Variants in PCDHGB2 observed in about 807,000 individuals in gnomAD.
PCDHGB2 encodes the protein protocadherin gamma subfamily B, 2.
Under a neutral mutation model 59.3 loss-of-function variants are expected in PCDHGB2, and 55 were observed. The ratio of observed to expected loss-of-function variants is 0.93; its 90% confidence interval spans 0.75 to 1.16. The LOEUF (loss-of-function observed/expected upper bound fraction) is 1.16, where lower values mean the gene tolerates loss of function less well. PCDHGB2 is among the 50% of genes most tolerant of loss of function. PCDHGB2 has a pLI of 0.00. For missense variants in PCDHGB2, 1,228 were observed against 1,198.5 expected (o/e 1.02, Z -0.36); for synonymous variants, 516 against 512.0 (o/e 1.01, Z -0.11).
chr5:141,383,951 C>CT (rs1779634638), intron 1 of PCDHGB2: 1 of 1,613,676 alleles, frequency 6.2e-7, no homozygotes, highest in African/African-American at 1.3e-5. Context: ...ACTATGACGT[C>CT]TTTAAGTAGC....
At chr5:141,423,674 C>T (rs57195665) in intron 1 of PCDHGB2, 3 of 1,514,742 alleles carry the variant, frequency 2.0e-6, no homozygotes, top group African/African-American at 1.5e-5. Context: ...AGATTTATTT[C>T]TCTGCCTCCT....
chr5:141,376,207 C>T lies in PCDHGB2; in HGVS notation c.2421+13651C>T. On this transcript the variant is annotated intron_variant, in intron 1 of 3. Coordinates refer to ENST00000522605, the MANE Select transcript of PCDHGB2 (RefSeq NM_018923.3). ...TCTCCTGCGTCTTCCTGGCCTTCGT[C>T]ATCGTGCTGCTGGCGCTCAGACTGC... 1.9e-6 allele frequency: 3 copies of T among 1,614,208 alleles called. No homozygotes were observed. The African/African-American group carries it at 4.0e-5, about 22-fold the overall frequency.
chr5:141,508,026 T>A (rs972124070), intron 3 of PCDHGB2: 3 of 152,314 alleles, frequency 2.0e-5, no homozygotes, highest in African/African-American at 7.2e-5. Context: ...GGCTGCGGTT[T>A]GCAGCTCAGC....
rs1423149 is a variant in PCDHGB2, at chr5:141,487,780, C to G, written c.2422-7027C>G. ...TAGACGCTGTGCTTTGTAACTGTTTCGTGAATTAACCAGAGTTGTCACAGT... is the reference window on the plus strand; with the variant it reads ...TAGACGCTGTGCTTTGTAACTGTTTGGTGAATTAACCAGAGTTGTCACAGT... On this transcript the variant is annotated intron_variant, in intron 1 of 3. Transcript: ENST00000522605. This position sits in a 1 kb window ranked among gnomAD's most constrained non-coding sequence, Gnocchi z 5.0. 6.6e-7 allele frequency: 1 copy of G among 1,526,704 alleles called. No individual in the cohort carries two copies. The allele number at this position is 1,526,704 out of a possible 1,614,324, so 94.6% of individuals were successfully genotyped here. A position where few individuals can be genotyped will look rare whatever the true frequency, so the allele number is the denominator to read the frequency against.
chr5:141,431,476 A>G lies in PCDHGB2; in HGVS notation c.2422-63331A>G, dbSNP rs975772031. 1.9e-6 allele frequency: 3 copies of G among 1,613,864 alleles called. No homozygotes were observed. Among genetic ancestry groups the G allele is most frequent in the Admixed American group, 3.3e-5 (2 of 60,032 alleles). ...TGGTTCTGGATGCGAACGACAACGC[A>G]CCAGCGTTTGCTCAGCCCGAGTACC... On this transcript the variant is annotated intron_variant, in intron 1 of 3. Coordinates refer to ENST00000522605, the MANE Select transcript of PCDHGB2 (RefSeq NM_018923.3). This position sits in a 1 kb window ranked among gnomAD's most constrained non-coding sequence, Gnocchi z 4.8.
chr5:141,478,445 G>C (rs773567457), intron 1 of PCDHGB2: 1 of 1,613,570 alleles, frequency 6.2e-7, no homozygotes, highest in Non-Finnish European at 8.5e-7. Flanking sequence ...GAAGAAACCT[G>C]GTGCAGCCAG....
At chr5:141,374,401 T>C in intron 1 of PCDHGB2, 7 of 1,614,060 alleles carry the variant, frequency 4.3e-6, no homozygotes, top group Non-Finnish European at 5.1e-6. Flanking sequence ...TGGTGAGTTT[T>C]AACATCCTTG....
At chr5:141,393,746 A>G (rs1167040701) in intron 1 of PCDHGB2, 6 of 1,613,800 alleles carry the variant, frequency 3.7e-6, no homozygotes, top group South Asian at 1.1e-5. Context: ...ATTATGAAGA[A>G]TGTTCATTTT....
chr5:141,438,347 C>T (rs150878327), intron 1 of PCDHGB2, among the ~76,000 whole-genome samples: 7 of 151,730 alleles, frequency 4.6e-5, no homozygotes, highest in Non-Finnish European at 2.9e-5. Flanking sequence ...TAAGGATCTA[C>T]TCTGTGTATT....
intron 2 of PCDHGB2, among the ~76,000 whole-genome samples, chr5:141,504,947 A>G (rs1595930930): frequency 6.6e-6 from 1 of 152,200 alleles, no homozygotes; most frequent in Non-Finnish European, 1.5e-5. Context: ...GGAATGCACT[A>G]TGTTCAATGC....
At chr5:141,363,400 G>C (rs1762910571) in intron 1 of PCDHGB2, among the ~76,000 whole-genome samples, 1 of 151,934 alleles carries the variant, frequency 6.6e-6, no homozygotes, top group Admixed American at 6.6e-5. Context: ...GTCATATAAA[G>C]ATGATAGCAG....
intron 3 of PCDHGB2, among the ~76,000 whole-genome samples, 188 bp from the exon 4 acceptor site, chr5:141,510,759 G>A (rs1026623444): frequency 6.6e-5 from 10 of 152,172 alleles, no homozygotes; most frequent in African/African-American, 2.4e-4. Context: ...TCTCACTCCA[G>A]AGCCTCTTAA....
intron 1 of PCDHGB2, chr5:141,366,321 T>G (rs752863239): frequency 6.2e-7 from 1 of 1,613,820 alleles, no homozygotes; most frequent in Non-Finnish European, 8.5e-7. Flanking sequence ...ACCGTTGCCG[T>G]GGCCGACAGG....
chr5:141,381,826 C>CTTCTT (rs1777532522), intron 1 of PCDHGB2, among the ~76,000 whole-genome samples: 13 of 74,294 alleles, frequency 1.7e-4, no homozygotes, highest in South Asian at 5.2e-4. Context: ...CTTTCTTCTT[C>CTTCTT]TTTTTTTTTT....
At chr5:141,405,104 C>A in intron 1 of PCDHGB2, 3 of 1,613,940 alleles carry the variant, frequency 1.9e-6, no homozygotes, top group Non-Finnish European at 2.5e-6. Flanking sequence ...CAGGCTGAGG[C>A]ACTGGCACTC....
intron 1 of PCDHGB2, chr5:141,365,152 C>A: frequency 6.2e-7 from 1 of 1,613,880 alleles, no homozygotes; most frequent in Non-Finnish European, 8.5e-7. Flanking sequence ...AGGGAATAAA[C>A]GGGAAATTGA....
chr5:141,490,948 G>T lies in PCDHGB2; in HGVS notation c.2422-3859G>T. 1 of 1,613,756 alleles carries T rather than the reference G, an allele frequency of 6.2e-7. No homozygotes were observed. The highest frequency in any genetic ancestry group is 8.5e-7 in the Non-Finnish European group (1 of 1,179,810). On this transcript the variant is annotated intron_variant, in intron 1 of 3. Coordinates refer to ENST00000522605, the MANE Select transcript of PCDHGB2 (RefSeq NM_018923.3). The surrounding 1 kb of genome is among the most constrained non-coding windows in gnomAD (Gnocchi z 5.4). The stretch of plus-strand genomic sequence containing the variant: ...CCCAGCTGTGCTGCACCCACGGCCA[G>T]ACTGGGAACACTCAGCCCCCCAGCG...
chr5:141,487,356 C>T lies in PCDHGB2; in HGVS notation c.2422-7451C>T. 6.2e-7 allele frequency: 1 copy of T among 1,614,220 alleles called. No individual in the cohort carries two copies. The highest frequency in any genetic ancestry group is 8.5e-7 in the Non-Finnish European group (1 of 1,180,042). ...GCCTGTGGAGTCACATGCTTTCCTG[C>T]TGGCACCTGTGCCTGTCTCACCAGA... On this transcript the variant is annotated intron_variant, in intron 1 of 3. Transcript: ENST00000522605. This position sits in a 1 kb window ranked among gnomAD's most constrained non-coding sequence, Gnocchi z 5.0.
chr5:141,394,104 C>T (rs761567726), intron 1 of PCDHGB2: 1 of 1,613,824 alleles, frequency 6.2e-7, no homozygotes, highest in African/African-American at 1.3e-5. Flanking sequence ...AGGAACACCA[C>T]CTCTGTCCAC....
Sources: allele counts gnomAD v4.1 joint callset (sites outside exome capture counted in the v4.1 genomes callset), GRCh38; gene constraint gnomAD v4.1.1; non-coding constraint Gnocchi (gnomAD v3.1); transcripts MANE v1.5; gene names NCBI Gene and HGNC (gene_info 2026-07-23, HGNC 2026-07-21).